Variants in SPIDR observed in about 807,000 individuals in gnomAD.
SPIDR encodes DNA repair-scaffolding protein.
SPIDR carries 93 observed loss-of-function variants against 104.6 expected under a neutral mutation model. The observed-to-expected ratio is 0.89, with a 90% CI of 0.75 to 1.06. The LOEUF is 1.06. Ranked by LOEUF, SPIDR falls within the 50% of genes least tolerant of loss-of-function variation. The pLI, the probability that SPIDR is intolerant of heterozygous loss-of-function variation, is 0.00. For missense variants in SPIDR, 1,154 were observed against 1,111.2 expected, an observed-to-expected ratio of 1.04 and a Z score of -0.55; for synonymous variants, 431 against 416.9, an observed-to-expected ratio of 1.03 and a Z score of -0.41.
chr8:47,327,044 A>G (rs2047770754), intron 5 of SPIDR, among the ~76,000 whole-genome samples: 1 of 152,154 alleles, frequency 6.6e-6, no homozygotes, highest in Non-Finnish European at 1.5e-5. Flanking sequence ...GAACCATTTT[A>G]CATTCCTGTT....
At chr8:47,500,983 T>C (rs1249241748) in intron 8 of SPIDR, among the ~76,000 whole-genome samples, 1 of 152,218 alleles carries the variant, frequency 6.6e-6, no homozygotes, top group Non-Finnish European at 1.5e-5. Flanking sequence ...GAGGTCTCTG[T>C]TCTGTTCCAT....
chr8:47,645,839 C>A (rs573915380), intron 10 of SPIDR, among the ~76,000 whole-genome samples: 26 of 152,162 alleles, frequency 1.7e-4, no homozygotes, highest in South Asian at 1.0e-3. Flanking sequence ...AATCTTACAC[C>A]AAGATAGGTT....
intron 10 of SPIDR, among the ~76,000 whole-genome samples, chr8:47,613,282 A>G (rs2154431798): frequency 6.6e-6 from 1 of 152,362 alleles, no homozygotes; most frequent in Middle Eastern, 3.4e-3. Flanking sequence ...TCTTAAACTT[A>G]GGATAATGTT....
chr8:47,509,253 C>G (rs1419737493), intron 8 of SPIDR, among the ~76,000 whole-genome samples: 1 of 152,190 alleles, frequency 6.6e-6, no homozygotes, highest in Admixed American at 6.5e-5. Context: ...CTCAGCCATT[C>G]CTGTTCTTGT....
intron 5 of SPIDR, among the ~76,000 whole-genome samples, chr8:47,329,750 G>A (rs1229184258): frequency 2.6e-5 from 4 of 152,064 alleles, no homozygotes; most frequent in South Asian, 2.1e-4. Context: ...GCAAGTATAC[G>A]TTTATAGTGT....
At chr8:47,509,350 G>A (rs966612563) in intron 8 of SPIDR, among the ~76,000 whole-genome samples, 1 of 151,370 alleles carries the variant, frequency 6.6e-6, no homozygotes, top group Admixed American at 6.6e-5. Flanking sequence ...TACGAGGTGG[G>A]TAAGCAGGAG....
At chr8:47,438,524 T>C (rs1585715079) in intron 7 of SPIDR, among the ~76,000 whole-genome samples, 1 of 152,206 alleles carries the variant, frequency 6.6e-6, no homozygotes, top group South Asian at 2.1e-4. Flanking sequence ...GATGAGCTAC[T>C]TTTCATTAAC....
At chr8:47,714,073 G>A (rs529253601) in intron 16 of SPIDR, among the ~76,000 whole-genome samples, 2 of 152,248 alleles carry the variant, frequency 1.3e-5, no homozygotes, top group Admixed American at 1.3e-4. Flanking sequence ...CTGGGAAGAG[G>A]CAGGACAGGC....
At chr8:47,352,852 G>A (rs575068898) in intron 5 of SPIDR, among the ~76,000 whole-genome samples, 1 of 151,730 alleles carries the variant, frequency 6.6e-6, no homozygotes, top group Non-Finnish European at 1.5e-5. Flanking sequence ...TTGAGAGATC[G>A]AGACCATCCT....
At chr8:47,584,754 AT>A (rs763265903) in intron 8 of SPIDR, among the ~76,000 whole-genome samples, 2 of 152,226 alleles carry the variant, frequency 1.3e-5, no homozygotes, top group South Asian at 4.1e-4. Flanking sequence ...CTAGAAGTTT[AT>A]AACACCTTTC....
In SPIDR at chr8:47,614,917, T is replaced by C. The variant is rs143873354; in HGVS notation, c.1544+15721T>C. Among the ~76,000 whole-genome samples, 547 of 152,300 alleles carry C rather than the reference T, an allele frequency of 3.6e-3. 2 individuals are homozygous for C. The highest frequency in any genetic ancestry group is 0.013 in the African/African-American group (522 of 41,568). On this transcript the variant is annotated intron_variant, in intron 10 of 19. Coordinates refer to ENST00000297423, the MANE Select transcript of SPIDR (RefSeq NM_001080394.4). Reference sequence around the variant, plus strand: ...CTGACTGACATGAGATGGTATCTCATTGTGGTTTTGATTTGCATTTCTGTA... The same window carrying C: ...CTGACTGACATGAGATGGTATCTCACTGTGGTTTTGATTTGCATTTCTGTA...
chr8:47,712,672 T>C lies in SPIDR; in HGVS notation c.1988T>C (p.Leu663Pro). ...GTCTTCAAATTGTAGCTGAAGAGTC[T>C]GCTGCTTCTGGAGCAAAGGGAGATC... Reference protein sequence around the residue: ...VIYQKPQLKSLLLLEQREIWL... With the variant: ...VIYQKPQLKSPLLLEQREIWL... Residue 663 changes from leucine to proline, a missense_variant, in exon 15 of 20, where the codon CTG becomes CCG. Physicochemically the swap from Leu to Pro is moderately conservative, Grantham distance 98. Coordinates refer to ENST00000297423, the MANE Select transcript of SPIDR (RefSeq NM_001080394.4). The C allele has an allele frequency of 6.2e-7, 1 of 1,614,068 alleles. No homozygotes were observed. The highest frequency in any genetic ancestry group is 2.2e-5 in the East Asian group (1 of 44,894).
chr8:47,613,053 G>A (rs941812716), intron 10 of SPIDR, among the ~76,000 whole-genome samples: 13 of 152,202 alleles, frequency 8.5e-5, no homozygotes, highest in African/African-American at 3.1e-4. Context: ...GTAATTCAGT[G>A]GTAGCACATT....
At chr8:47,321,747 A>T (rs1456223716) in intron 5 of SPIDR, among the ~76,000 whole-genome samples, 2 of 152,188 alleles carry the variant, frequency 1.3e-5, no homozygotes, top group East Asian at 3.8e-4. Context: ...CGAAACAGAG[A>T]TATAGAACAA....
chr8:47,538,633 A>G (rs2087425817), intron 8 of SPIDR, among the ~76,000 whole-genome samples: 1 of 152,122 alleles, frequency 6.6e-6, no homozygotes, highest in South Asian at 2.1e-4. Context: ...TTCTGGTCCA[A>G]GTAATTATAT....
At chr8:47,702,943 G>A (rs1589346689) in intron 14 of SPIDR, among the ~76,000 whole-genome samples, 1 of 152,206 alleles carries the variant, frequency 6.6e-6, no homozygotes, top group Non-Finnish European at 1.5e-5. Context: ...GCAGGAGGCT[G>A]GCACCTTGGC....
intron 8 of SPIDR, among the ~76,000 whole-genome samples, chr8:47,561,838 C>T (rs1271831825): frequency 5.9e-5 from 9 of 152,158 alleles, no homozygotes; most frequent in African/African-American, 1.9e-4. Context: ...CATTATATCT[C>T]GTACACTGAT....
Position 47,735,511 on chromosome 8 carries a change from G to T in SPIDR, c.*61G>T. 1 of 1,611,574 alleles carries T rather than the reference G, an allele frequency of 6.2e-7. No homozygotes were observed. The highest frequency in any genetic ancestry group is 1.1e-5 in the South Asian group (1 of 90,912). On this transcript the variant is annotated 3_prime_UTR_variant, in exon 20 of 20. Coordinates refer to ENST00000297423, the MANE Select transcript of SPIDR (RefSeq NM_001080394.4). The stretch of plus-strand genomic sequence containing the variant: ...CTGCAAGGGTGGTGGTGGTGGTGGT[G>T]ATTTGGGGTAGTTATTTGTTAACTA...
Position 47,425,972 on chromosome 8 carries a change from C to T in SPIDR, c.878-14351C>T, listed in dbSNP as rs146969739. ...TTAAAGAATAGAAATAGGCTGGGCACGGTGACTCACGCCTGTAATCCCAGC... is the reference window on the plus strand; with the variant it reads ...TTAAAGAATAGAAATAGGCTGGGCATGGTGACTCACGCCTGTAATCCCAGC... On this transcript the variant is annotated intron_variant, in intron 7 of 19. Coordinates refer to ENST00000297423, the MANE Select transcript of SPIDR (RefSeq NM_001080394.4). 2.8e-3 allele frequency among the ~76,000 whole-genome samples: 431 copies of T among 152,098 alleles called. 1 individual carries two copies. The highest frequency in any genetic ancestry group is 0.01 in the African/African-American group (415 of 41,488).
Sources: allele counts gnomAD v4.1 joint callset (sites outside exome capture counted in the v4.1 genomes callset), GRCh38; gene constraint gnomAD v4.1.1; transcripts MANE v1.5; gene names NCBI Gene and HGNC (gene_info 2026-07-23, HGNC 2026-07-21).